MTMR3: variants seen among roughly 807,000 people sequenced by gnomAD.
The protein encoded by MTMR3 is phosphatidylinositol-3,5-bisphosphate 3-phosphatase MTMR3.
A neutral mutation model predicts 132.4 loss-of-function variants in MTMR3; 32 were observed. That is an observed-to-expected ratio of 0.24 (90% confidence interval 0.18 to 0.32). MTMR3 has a LOEUF of 0.32. MTMR3 is among the 10% of genes least tolerant of loss of function. MTMR3 has a pLI of 1.00. For synonymous variants in MTMR3, 556 were observed against 550.3 expected, an observed-to-expected ratio of 1.01 and a Z score of -0.14; for missense variants, 1,216 against 1,489.6, an observed-to-expected ratio of 0.82 and a Z score of 3.02.
rs1023175457 is a variant in MTMR3 at position 30,019,473 on chromosome 22, C to G, written c.1821-7C>G. 1.0e-5 allele frequency: 16 copies of G among 1,590,178 alleles called. No individual in the cohort carries two copies. The highest frequency in any genetic ancestry group is 1.2e-5 in the Non-Finnish European group (14 of 1,171,410). ...ATTTTCATTTCCCCCAAATTCCTTTCCTTTAGGCTACCAAAGACTAGATCA... is the reference window on the plus strand; with the variant it reads ...ATTTTCATTTCCCCCAAATTCCTTTGCTTTAGGCTACCAAAGACTAGATCA... On this transcript the variant is annotated splice_region_variant and splice_polypyrimidine_tract_variant and intron_variant, in intron 16 of 19. Transcript: ENST00000401950.
At chr22:29,968,489 A>G (rs1432341950) in intron 2 of MTMR3, among the ~76,000 whole-genome samples, 1 of 152,172 alleles carries the variant, frequency 6.6e-6, no homozygotes, top group Non-Finnish European at 1.5e-5. Context: ...TTCTTTTAAT[A>G]AGTTCATACC....
At chr22:29,939,450 C>T (rs2065812987) in intron 1 of MTMR3, among the ~76,000 whole-genome samples, 1 of 152,122 alleles carries the variant, frequency 6.6e-6, no homozygotes, top group Non-Finnish European at 1.5e-5. Context: ...GTGATTATCT[C>T]ACTCTTGAGA....
intron 19 of MTMR3, chr22:30,025,286 C>T (rs1171241169): frequency 3.5e-6 from 1 of 283,660 alleles, no homozygotes; most frequent in Non-Finnish European, 6.9e-6. Flanking sequence ...GTGGGTGTGG[C>T]CACTGGGTTT....
rs541335763 is a variant in MTMR3 at position 29,988,497 on chromosome 22, A to T, written c.228A>T (p.Ile76=). 1.8e-4 allele frequency: 295 copies of T among 1,612,624 alleles called. 6 individuals carry two copies. In the South Asian group the frequency reaches 2.5e-3, roughly 14 times the overall value. Residue 76 remains isoleucine, a synonymous_variant, in exon 6 of 20, where the codon ATA becomes ATT. Transcript: ENST00000401950. Reference sequence around the variant, plus strand: ...AATTGCAGGTTCCATTACAGCTTATAGAAAGTGTTGAATGCCGAGATATAT... The same window carrying T: ...AATTGCAGGTTCCATTACAGCTTATTGAAAGTGTTGAATGCCGAGATATAT... ...ESLVNVPLQL[I]ESVECRDIFQ... is the part of the protein sequence containing the mutation.
In MTMR3 at chr22:29,908,987, T is replaced by TTTTCTTTTCTTTTCTTTTC. The variant is rs1191663863; in HGVS notation, c.-138+25631_-138+25632insCTTTTCTTTTCTTTTCTTT. Among the ~76,000 whole-genome samples the TTTTCTTTTCTTTTCTTTTC allele has an allele frequency of 3.4e-3, 513 of 151,032 alleles. 2 individuals are homozygous for TTTTCTTTTCTTTTCTTTTC. The highest frequency in any genetic ancestry group is 0.012 in the African/African-American group (479 of 40,964). ...TTTTTCTTTTCTTTTCTTTTCTTTT[T>TTTTCTTTTCTTTTCTTTTC]TTTTTTTTGAGACAAATTCTCACTC... On this transcript the variant is annotated intron_variant, in intron 1 of 19. Coordinates refer to ENST00000401950, the MANE Select transcript of MTMR3 (RefSeq NM_021090.4).
At chr22:29,972,517 C>A (rs2066555236) in intron 3 of MTMR3, among the ~76,000 whole-genome samples, 1 of 152,152 alleles carries the variant, frequency 6.6e-6, no homozygotes, top group South Asian at 2.1e-4. Context: ...AGCATTGTTA[C>A]AAGTTTTTAC....
At chr22:30,014,603 G>A (rs1431602965) in intron 14 of MTMR3, 1 of 149,432 alleles carries the variant, frequency 6.7e-6, no homozygotes, top group Non-Finnish European at 1.5e-5. Flanking sequence ...CAAACTTCTG[G>A]GATCAAGAGA....
chr22:29,931,013 GA>G (rs963131752), intron 1 of MTMR3, among the ~76,000 whole-genome samples: 11,660 of 72,074 alleles, frequency 0.16, 464 homozygotes, highest in Admixed American at 0.26. Context: ...TGTCTCAAAA[GA>G]AAAAAAAAAA....
At chr22:29,946,193 T>TA (rs2065950801) in intron 1 of MTMR3, among the ~76,000 whole-genome samples, 1 of 152,162 alleles carries the variant, frequency 6.6e-6, no homozygotes, top group African/African-American at 2.4e-5. Context: ...TCATTGGAAA[T>TA]AGAGTCAAAT....
Position 29,952,689 on chromosome 22 carries a change from A to G in MTMR3, c.-137-4347A>G, listed in dbSNP as rs1479382061. Among the ~76,000 whole-genome samples the G allele has an allele frequency of 3.9e-5, 6 of 152,284 alleles. No individual in the cohort carries two copies. The South Asian group carries it at 6.2e-4, about 16-fold the overall frequency. On this transcript the variant is annotated intron_variant, in intron 1 of 19. Coordinates refer to ENST00000401950, the MANE Select transcript of MTMR3 (RefSeq NM_021090.4). ...TGAATGAACATCCACCACTTACCAC[A>G]GTAGCTGAATGTAGCCATGCTTTTA...
Position 30,026,688 on chromosome 22 carries a change from T to TG in MTMR3, c.*891dup, listed in dbSNP as rs541324762. The TG allele has an allele frequency of 1.1e-3, 162 of 153,012 alleles. 1 individual carries two copies. The highest frequency in any genetic ancestry group is 3.1e-3 in the Admixed American group (47 of 15,308). 9.5% of individuals were successfully genotyped at this position (153,012 alleles called of 1,614,324 possible). The stretch of plus-strand genomic sequence containing the variant: ...CCCAGACACACCTGGGTCCCCATTC[T>TG]GGGGCCTGGTCCCCTAAACAATCTC... On this transcript the variant is annotated 3_prime_UTR_variant, in exon 20 of 20. Coordinates refer to ENST00000401950, the MANE Select transcript of MTMR3 (RefSeq NM_021090.4).
intron 1 of MTMR3, among the ~76,000 whole-genome samples, chr22:29,943,003 T>C (rs1433577749): frequency 6.6e-6 from 1 of 152,130 alleles, no homozygotes; most frequent in Non-Finnish European, 1.5e-5. Context: ...AAGTAATAAG[T>C]GTCTGTGAAA....
At chr22:29,926,016 A>G (rs2065509887) in intron 1 of MTMR3, among the ~76,000 whole-genome samples, 1 of 152,216 alleles carries the variant, frequency 6.6e-6, no homozygotes, top group Non-Finnish European at 1.5e-5. Flanking sequence ...AATCCCTAAC[A>G]GAGACCTCAT....
rs900983926 is a variant in MTMR3 at position 29,951,338 on chromosome 22, CT to C, written c.-137-5697del. Among the ~76,000 whole-genome samples, 16 of 152,220 alleles carry C rather than the reference CT, an allele frequency of 1.1e-4. No individual in the cohort carries two copies. In the South Asian group the frequency reaches 2.1e-3, roughly 20 times the overall value. On this transcript the variant is annotated intron_variant, in intron 1 of 19. Coordinates refer to ENST00000401950, the MANE Select transcript of MTMR3 (RefSeq NM_021090.4). Reference sequence around the variant, plus strand: ...TATATGGCTGATATTCCCCTACCCCCTATCTCTTGTATAAGGGTTGAGTTTA... The same window carrying C: ...TATATGGCTGATATTCCCCTACCCCCATCTCTTGTATAAGGGTTGAGTTTA...
chr22:30,025,813 C>T lies in MTMR3; in HGVS notation c.*12C>T. ...CCACTTCCAACTGAAGCTCAGTGAC[C>T]TGGGTGGGCAGTGGCCAAGCTGCTG... is the stretch of plus-strand genomic sequence containing the variant. On this transcript the variant is annotated 3_prime_UTR_variant, in exon 20 of 20. Coordinates refer to ENST00000401950, the MANE Select transcript of MTMR3 (RefSeq NM_021090.4). 6.2e-7 allele frequency: 1 copy of T among 1,613,572 alleles called. No individual in the cohort carries two copies. Among genetic ancestry groups the T allele is most frequent in the Non-Finnish European group, 8.5e-7 (1 of 1,179,986 alleles).
Position 30,022,782 on chromosome 22 carries a change from G to T in MTMR3, c.3425+85G>T, listed in dbSNP as rs979155241. ...GAGCCTGCAGAGTAGAGGGTTGTGG[G>T]TATCTCAGTGTTCTGTCTGAGGCAG... On this transcript the variant is annotated intron_variant, in intron 19 of 19. Coordinates refer to ENST00000401950, the MANE Select transcript of MTMR3 (RefSeq NM_021090.4). 2.7e-5 allele frequency: 32 copies of T among 1,203,194 alleles called. No homozygotes were observed. In the Admixed American group the frequency reaches 5.1e-4, roughly 19 times the overall value. The allele number at this position is 1,203,194 out of a possible 1,614,324, so 74.5% of individuals were successfully genotyped here.
chr22:29,913,856 A>G (rs560666644), intron 1 of MTMR3, among the ~76,000 whole-genome samples: 1 of 152,130 alleles, frequency 6.6e-6, no homozygotes, highest in South Asian at 2.1e-4. Flanking sequence ...GGTTAAAGCT[A>G]TTCTCCTGCC....
chr22:30,005,436 C>T (rs1489934761), intron 9 of MTMR3: 1 of 152,240 alleles, frequency 6.6e-6, no homozygotes, highest in Non-Finnish European at 1.5e-5. Flanking sequence ...TCCTCTTGGG[C>T]ACTGCTGGGA....
chr22:29,991,267 C>T (rs2066955334), intron 6 of MTMR3: 3 of 324,636 alleles, frequency 9.2e-6, no homozygotes, highest in Non-Finnish European at 1.7e-5. Context: ...TTTCATTAGT[C>T]TAAAAAAATA....
Sources: allele counts gnomAD v4.1 joint callset (sites outside exome capture counted in the v4.1 genomes callset), GRCh38; gene constraint gnomAD v4.1.1; transcripts MANE v1.5; gene names NCBI Gene and HGNC (gene_info 2026-07-23, HGNC 2026-07-21).